EDDM3A: variants seen among roughly 807,000 people sequenced by gnomAD.
The protein encoded by EDDM3A is epididymal secretory protein E3-alpha.
For missense variants in EDDM3A, 199 were observed against 177.4 expected (o/e 1.12, Z -0.69); for synonymous variants, 75 against 60.4 (o/e 1.24, Z -1.12).
the EDDM3A span, among the ~76,000 whole-genome samples, chr14:20,736,709 T>A: frequency 7.2e-5 from 11 of 152,226 alleles, no homozygotes; most frequent in East Asian, 2.1e-3. Context: ...TTCTTTTATT[T>A]TTTATTTATT....
chr14:20,748,161 T>C lies in EDDM3A; in HGVS notation c.*137T>C, dbSNP rs1385365211. ...GTTTTCCAACTACTTAGAGTTTATG[T>C]ACCTCGTGATTTCTTGATACCAAAT... On this transcript the variant is annotated 3_prime_UTR_variant, in exon 2 of 2. Transcript: ENST00000326842. 2 of 611,608 alleles carry C rather than the reference T, an allele frequency of 3.3e-6. No homozygotes were observed. The highest frequency in any genetic ancestry group is 5.6e-6 in the Non-Finnish European group (2 of 355,614). The allele number at this position is 611,608 out of a possible 1,614,324, so 37.9% of individuals were successfully genotyped here.
At chr14:20,741,687 T>C (rs1318688043), upstream of EDDM3A, among the ~76,000 whole-genome samples, 1 of 152,206 alleles carries the variant, frequency 6.6e-6, no homozygotes, top group African/African-American at 2.4e-5. Context: ...ACCAAATGCC[T>C]GAAATATCTC....
chr14:20,737,227 T>C, the EDDM3A span, among the ~76,000 whole-genome samples: 1 of 151,952 alleles, frequency 6.6e-6, no homozygotes, highest in Non-Finnish European at 1.5e-5. Flanking sequence ...CTAATTTTTT[T>C]GTATTTTTAG....
chr14:20,747,693 A>C lies in EDDM3A; in HGVS notation c.113A>C (p.Tyr38Ser), dbSNP rs974298524. 1 of 1,614,084 alleles carries C rather than the reference A, an allele frequency of 6.2e-7. No individual in the cohort carries two copies. The highest frequency in any genetic ancestry group is 8.5e-7 in the Non-Finnish European group (1 of 1,180,034). Reference sequence around the variant, plus strand: ...TGGAGAGAATTCATAAAACTTCATTACTTAAGTCCAAGTCGAGAATTCAAA... The same window carrying C: ...TGGAGAGAATTCATAAAACTTCATTCCTTAAGTCCAAGTCGAGAATTCAAA... ...IYWREFIKLH[Y>S]LSPSREFKEY... The change falls in exon 2 of 2, where the codon TAC (tyrosine) becomes TCC (serine). Residue 38 changes from tyrosine to serine, a missense_variant. Coordinates refer to ENST00000326842, the MANE Select transcript of EDDM3A (RefSeq NM_006683.5).
the EDDM3A span, among the ~76,000 whole-genome samples, chr14:20,736,481 G>A: frequency 8.8e-4 from 134 of 152,216 alleles, 2 homozygotes; most frequent in African/African-American, 2.9e-3. Context: ...TTACTTTCAC[G>A]GTGGTAACAT....
chr14:20,739,594 T>G, the EDDM3A span, among the ~76,000 whole-genome samples: 1 of 152,204 alleles, frequency 6.6e-6, no homozygotes, highest in African/African-American at 2.4e-5. Context: ...TCAATTAGTA[T>G]TTGTGTTGCT....
chr14:20,747,295 C>T (rs930044005), intron 1 of EDDM3A, among the ~76,000 whole-genome samples: 14 of 152,044 alleles, frequency 9.2e-5, no homozygotes, highest in Non-Finnish European at 1.9e-4. Flanking sequence ...GGGGTTTCAC[C>T]ATGTTGGCCA....
upstream of EDDM3A, among the ~76,000 whole-genome samples, chr14:20,743,505 A>G (rs371272595): frequency 1.4e-5 from 2 of 145,520 alleles, no homozygotes; most frequent in Non-Finnish European, 2.9e-5. Context: ...AGCTGAGATC[A>G]TGCCTGGACG....
chr14:20,747,548 C>G lies in EDDM3A; in HGVS notation c.-26-7C>G. 1 of 1,523,870 alleles carries G rather than the reference C, an allele frequency of 6.6e-7. No individual in the cohort carries two copies. The highest frequency in any genetic ancestry group is 8.9e-7 in the Non-Finnish European group (1 of 1,124,062). 94.4% of individuals were successfully genotyped at this position (1,523,870 alleles called of 1,614,324 possible). On this transcript the variant is annotated splice_polypyrimidine_tract_variant and splice_region_variant and intron_variant, in intron 1 of 1. Coordinates refer to ENST00000326842, the MANE Select transcript of EDDM3A (RefSeq NM_006683.5). ...CTGGTTAATGCTTTTCTTTCTCTTC[C>G]CTGTAGACACGCAGGTGGACGTGGT...
upstream of EDDM3A, among the ~76,000 whole-genome samples, chr14:20,740,914 C>T (rs946547843): frequency 6.7e-5 from 10 of 148,198 alleles, no homozygotes; most frequent in Non-Finnish European, 1.5e-4. Context: ...GACGATTTTC[C>T]CTTCAATAAT....
At chr14:20,747,102 C>CT (rs71112518) in intron 1 of EDDM3A, among the ~76,000 whole-genome samples, 29,020 of 121,970 alleles carry the variant, frequency 0.24, 3,704 homozygotes, top group East Asian at 0.35. Flanking sequence ...AAACTGTATT[C>CT]TTTTTTTTTT....
At chr14:20,737,300 G>A in the EDDM3A span, among the ~76,000 whole-genome samples, 1 of 152,004 alleles carries the variant, frequency 6.6e-6, no homozygotes, top group Non-Finnish European at 1.5e-5. Context: ...AAGTGATAGT[G>A]ATCTGCCCAC....
Position 20,747,777 on chromosome 14 carries a change from A to G in EDDM3A, c.197A>G (p.His66Arg). Residue 66 changes from histidine to arginine, a missense_variant, in exon 2 of 2, where the codon CAT becomes CGT. His to Arg is a conservative substitution (Grantham distance 29). Coordinates refer to ENST00000326842, the MANE Select transcript of EDDM3A (RefSeq NM_006683.5). Reference sequence around the variant, plus strand: ...GAGGCTCTGAAAGGCAAGAGCTTTCATATGTTCATCTATAGCTTATGGTTC... The same window carrying G: ...GAGGCTCTGAAAGGCAAGAGCTTTCGTATGTTCATCTATAGCTTATGGTTC... ...EKEALKGKSF[H>R]MFIYSLWFKI... The G allele has an allele frequency of 1.2e-6, 2 of 1,614,168 alleles. No homozygotes were observed. The highest frequency in any genetic ancestry group is 1.7e-6 in the Non-Finnish European group (2 of 1,180,018).
chr14:20,737,313 C>T, the EDDM3A span, among the ~76,000 whole-genome samples: 1 of 152,124 alleles, frequency 6.6e-6, no homozygotes, highest in Admixed American at 6.6e-5. Context: ...CTGCCCACCT[C>T]GGCTTCCCAA....
intron 1 of EDDM3A, 79 bp downstream of exon 1, chr14:20,746,071 A>G (rs1011188394): frequency 1.3e-5 from 2 of 152,264 alleles, no homozygotes; most frequent in Non-Finnish European, 2.9e-5. Flanking sequence ...TTAGATAGCA[A>G]ACAATGGAGA....
the EDDM3A span, among the ~76,000 whole-genome samples, chr14:20,737,053 C>CCTTTTTT: frequency 0.11 from 15,194 of 132,442 alleles, 991 homozygotes; most frequent in Middle Eastern, 0.2. Flanking sequence ...TTTTCTTTTT[C>CCTTTTTT]CTTTTTTTTT....
chr14:20,746,145 C>A (rs759045974), intron 1 of EDDM3A, among the ~76,000 whole-genome samples, 153 bp downstream of exon 1: 2 of 152,200 alleles, frequency 1.3e-5, no homozygotes, highest in Non-Finnish European at 2.9e-5. Flanking sequence ...CTGATACAGG[C>A]TTTTCCCTGC....
At chr14:20,743,880 G>C (rs770500126), upstream of EDDM3A, among the ~76,000 whole-genome samples, 14 of 152,124 alleles carry the variant, frequency 9.2e-5, no homozygotes, top group Non-Finnish European at 1.6e-4. Context: ...TATCCAAAAA[G>C]CTTTAGGACT....
Position 20,747,544 on chromosome 14 carries a change from C to T in EDDM3A, c.-26-11C>T. 6 of 1,502,118 alleles carry T rather than the reference C, an allele frequency of 4.0e-6. No homozygotes were observed. The highest frequency in any genetic ancestry group is 5.4e-6 in the Non-Finnish European group (6 of 1,111,850). 93.0% of individuals were successfully genotyped at this position (1,502,118 alleles called of 1,614,324 possible). ...TAGTCTGGTTAATGCTTTTCTTTCT[C>T]TTCCCTGTAGACACGCAGGTGGACG... On this transcript the variant is annotated splice_polypyrimidine_tract_variant and intron_variant, in intron 1 of 1. Transcript: ENST00000326842.
Sources: allele counts gnomAD v4.1 joint callset (sites outside exome capture counted in the v4.1 genomes callset), GRCh38; gene constraint gnomAD v4.1.1; transcripts MANE v1.5; gene names NCBI Gene and HGNC (gene_info 2026-07-23, HGNC 2026-07-21).